Variants in CLDN16 observed in about 807,000 individuals in gnomAD.
CLDN16 encodes the protein claudin 16, also known as claudin-16.
Under a neutral mutation model 24.6 loss-of-function variants are expected in CLDN16, and 13 were observed. The observed-to-expected ratio is 0.53, with a 90% CI of 0.34 to 0.84. CLDN16 has a LOEUF of 0.84. Ranked by LOEUF, CLDN16 falls within the 40% of genes least tolerant of loss-of-function variation. The probability of loss-of-function intolerance (pLI) is 0.01; values close to 1 mark genes in which losing one functional copy is unlikely to be tolerated. For missense variants in CLDN16, 298 were observed against 292.7 expected, an observed-to-expected ratio of 1.02 and a Z score of -0.13; for synonymous variants, 116 against 106.7, an observed-to-expected ratio of 1.09 and a Z score of -0.54.
At chr3:190,309,071 C>T in the CLDN16 span, among the ~76,000 whole-genome samples, 23,326 of 152,034 alleles carry the variant, frequency 0.15, 2,056 homozygotes, top group Middle Eastern at 0.25. Context: ...AGTTATAAGG[C>T]CAAGTCTAAA....
intron 1 of CLDN16, among the ~76,000 whole-genome samples, chr3:190,394,636 A>G (rs1488437340): frequency 3.3e-5 from 5 of 152,178 alleles, no homozygotes; most frequent in Non-Finnish European, 5.9e-5. Context: ...GCACTGATGT[A>G]CATTAATGTG....
intron 1 of CLDN16, among the ~76,000 whole-genome samples, chr3:190,348,365 G>GTGGT (rs397977966): frequency 1.4e-5 from 2 of 143,796 alleles, no homozygotes; most frequent in South Asian, 2.2e-4. Flanking sequence ...GTGTGTGTGT[G>GTGGT]GTGTGTGTCT....
At chr3:190,330,017 TAGA>T (rs761552451) in intron 1 of CLDN16, among the ~76,000 whole-genome samples, 2 of 151,928 alleles carry the variant, frequency 1.3e-5, no homozygotes, top group Admixed American at 6.6e-5. Context: ...TGAAATATTG[TAGA>T]AGAAATATCT....
the CLDN16 span, among the ~76,000 whole-genome samples, chr3:190,298,512 A>G: frequency 1.3e-5 from 2 of 149,580 alleles, no homozygotes; most frequent in Non-Finnish European, 3.0e-5. Context: ...CTGGAGTGCA[A>G]TGGCGTGATC....
chr3:190,332,736 C>G (rs1045435312), intron 1 of CLDN16, among the ~76,000 whole-genome samples: 1 of 149,380 alleles, frequency 6.7e-6, no homozygotes, highest in Non-Finnish European at 1.5e-5. Context: ...ACTTGGAAGA[C>G]TAAAGAAAGA....
At chr3:190,363,556 G>GTGTGTGTGTGTGTATATATATA (rs1301414615) in intron 1 of CLDN16, among the ~76,000 whole-genome samples, 1 of 87,428 alleles carries the variant, frequency 1.1e-5, no homozygotes, top group African/African-American at 4.7e-5. Flanking sequence ...GTGTGTGTGT[G>GTGTGTGTGTGTGTATATATATA]TATATATATA....
At chr3:190,336,246 C>G (rs1717301469) in intron 1 of CLDN16, among the ~76,000 whole-genome samples, 1 of 152,168 alleles carries the variant, frequency 6.6e-6, no homozygotes, top group Admixed American at 6.5e-5. Context: ...TTAGTTGTGA[C>G]AAGAGCAAAA....
chr3:190,305,119 A>G, the CLDN16 span, among the ~76,000 whole-genome samples: 2 of 152,202 alleles, frequency 1.3e-5, no homozygotes, highest in African/African-American at 4.8e-5. Context: ...ATTGACTGGC[A>G]ATGATCTTTG....
At chr3:190,371,016 T>TTATATATATATATATATATCTATATATA (rs1718128935) in intron 2 of CLDN16, 1 of 13,860 alleles carries the variant, frequency 7.2e-5, no homozygotes, top group African/African-American at 1.5e-4. Flanking sequence ...GTTAATACCT[T>TTATATATATATATATATATCTATATATA]TATATATATA....
chr3:190,311,322 G>A, the CLDN16 span, among the ~76,000 whole-genome samples: 5 of 152,136 alleles, frequency 3.3e-5, no homozygotes, highest in South Asian at 4.1e-4. Flanking sequence ...ATTACTATTC[G>A]CAGCCTTTGA....
At chr3:190,290,758 A>C in the CLDN16 span, among the ~76,000 whole-genome samples, 1 of 152,252 alleles carries the variant, frequency 6.6e-6, no homozygotes, top group Admixed American at 6.5e-5. Flanking sequence ...ATGTGAAAGA[A>C]AATTATATCA....
chr3:190,411,153 G>A lies in CLDN16; in HGVS notation c.*1117G>A, dbSNP rs10470534. 26,746 of 152,090 alleles carry A rather than the reference G, an allele frequency of 0.18. 2,734 individuals are homozygous for A. The highest frequency in any genetic ancestry group is 0.27 in the Middle Eastern group (80 of 294). The allele number at this position is 152,090 out of a possible 1,614,324, so 9.4% of individuals were successfully genotyped here. A position where few individuals can be genotyped will look rare whatever the true frequency, so the allele number is the denominator to read the frequency against. On this transcript the variant is annotated 3_prime_UTR_variant, in exon 5 of 5. Coordinates refer to ENST00000264734, the MANE Select transcript of CLDN16 (RefSeq NM_006580.4). Reference sequence around the variant, plus strand: ...GCGGTGCCTGTAGTCCCAGCTACTCGGGAGGCTGAGGCAGGAGAATCGTTT... The same window carrying A: ...GCGGTGCCTGTAGTCCCAGCTACTCAGGAGGCTGAGGCAGGAGAATCGTTT...
At chr3:190,376,825 A>C (rs1386355414) in intron 3 of CLDN16, among the ~76,000 whole-genome samples, 1 of 151,968 alleles carries the variant, frequency 6.6e-6, no homozygotes, top group African/African-American at 2.4e-5. Context: ...TATCTCAGGC[A>C]GTTCTTTCTC....
the CLDN16 span, chr3:190,308,359 G>A: frequency 6.2e-7 from 1 of 1,613,890 alleles, no homozygotes; most frequent in Non-Finnish European, 8.5e-7. Flanking sequence ...TCGGGGACAG[G>A]AACAGCAAAG....
At chr3:190,325,285 C>T (rs1373827377) in intron 1 of CLDN16, among the ~76,000 whole-genome samples, 1 of 152,172 alleles carries the variant, frequency 6.6e-6, no homozygotes, top group Non-Finnish European at 1.5e-5. Context: ...GACTGCTCTC[C>T]TGCAGTATTT....
At chr3:190,405,020 G>T in intron 3 of CLDN16, 94 bp downstream of exon 3, 1 of 1,243,904 alleles carries the variant, frequency 8.0e-7, no homozygotes, top group Non-Finnish European at 1.2e-6. Flanking sequence ...CTCATTTTCG[G>T]ATTATATGTG....
chr3:190,346,429 G>A (rs142171501), intron 1 of CLDN16, among the ~76,000 whole-genome samples: 2 of 152,216 alleles, frequency 1.3e-5, no homozygotes, highest in African/African-American at 4.8e-5. Flanking sequence ...AGTCATATTT[G>A]CGTTTTAACA....
chr3:190,391,143 T>A (rs1473796110), intron 1 of CLDN16, among the ~76,000 whole-genome samples: 4 of 144,684 alleles, frequency 2.8e-5, no homozygotes, highest in Non-Finnish European at 6.3e-5. Context: ...TTTGTTTTGA[T>A]TTTTTAAGAA....
chr3:190,349,707 A>G (rs1717630012), intron 1 of CLDN16, among the ~76,000 whole-genome samples: 1 of 152,212 alleles, frequency 6.6e-6, no homozygotes, highest in Admixed American at 6.5e-5. Context: ...TTCTACATGC[A>G]GGTCACAAGA....
Sources: gnomAD v4.1 joint callset for allele counts (sites outside exome capture counted in the v4.1 genomes callset) on GRCh38, gnomAD v4.1.1 for gene constraint, MANE v1.5 for transcripts, NCBI Gene and HGNC (gene_info 2026-07-23, HGNC 2026-07-21) for gene names.